CRISPLD2: variants seen among roughly 807,000 people sequenced by gnomAD.
CRISPLD2 encodes the protein cysteine-rich secretory protein LCCL domain-containing 2.
Under a neutral mutation model 71.1 loss-of-function variants are expected in CRISPLD2, and 47 were observed. That is an observed-to-expected ratio of 0.66 (90% CI 0.52 to 0.84). The LOEUF (loss-of-function observed/expected upper bound fraction) is 0.84, where lower values mean the gene tolerates loss of function less well. CRISPLD2 is among the 40% of genes least tolerant of loss of function. The pLI is 0.00. For synonymous variants in CRISPLD2, 317 were observed against 250.1 expected, an observed-to-expected ratio of 1.27 and a Z score of -2.52; for missense variants, 830 against 651.1, an observed-to-expected ratio of 1.27 and a Z score of -2.99.
intron 8 of CRISPLD2, among the ~76,000 whole-genome samples, chr16:84,871,718 A>G (rs2143285799): frequency 6.6e-6 from 1 of 152,016 alleles, no homozygotes; most frequent in East Asian, 1.9e-4. Flanking sequence ...CACGCGGCTA[A>G]TTTTTATATT....
At chr16:84,841,047 A>G (rs1916757349) in intron 2 of CRISPLD2, among the ~76,000 whole-genome samples, 1 of 152,226 alleles carries the variant, frequency 6.6e-6, no homozygotes, top group Admixed American at 6.5e-5. Context: ...GCCAGGAAGT[A>G]TTTGTGGAGC....
At position 84,841,447 on chromosome 16, in the gene CRISPLD2, A is replaced by C. The variant is rs189103297; in HGVS notation, c.240+2712A>C. 1.3e-3 allele frequency among the ~76,000 whole-genome samples: 202 copies of C among 152,278 alleles called. 2 individuals are homozygous for C. The highest frequency in any genetic ancestry group is 4.6e-3 in the African/African-American group (193 of 41,556). On this transcript the variant is annotated intron_variant, in intron 2 of 14. Coordinates refer to ENST00000262424, the MANE Select transcript of CRISPLD2 (RefSeq NM_031476.4). ...ATTGGAAGAGGTCAGAGAGGCAGGC[A>C]GGGGCAAATCACACAGGGCTTTGAG...
intron 1 of CRISPLD2, among the ~76,000 whole-genome samples, chr16:84,834,208 C>T (rs571887038): frequency 6.6e-6 from 1 of 152,332 alleles, no homozygotes; most frequent in South Asian, 2.1e-4. Flanking sequence ...AGGTCAGGCG[C>T]TCACACCACG....
chr16:84,898,541 C>A (rs1874627), intron 14 of CRISPLD2, among the ~76,000 whole-genome samples: 61,687 of 152,044 alleles, frequency 0.41, 13,333 homozygotes, highest in East Asian at 0.64. Context: ...CCTCCCTAGG[C>A]AGCGTTCTCC....
At chr16:84,888,657 C>T (rs554768594) in intron 13 of CRISPLD2, among the ~76,000 whole-genome samples, 67 of 152,334 alleles carry the variant, frequency 4.4e-4, no homozygotes, top group African/African-American at 1.4e-3. Flanking sequence ...TTCCAGCCAC[C>T]CTGGCTGTCT....
Position 84,882,910 on chromosome 16 carries a change from C to T in CRISPLD2, c.1305+2326C>T, listed in dbSNP as rs112411786. Among the ~76,000 whole-genome samples the T allele has an allele frequency of 1.2e-3, 177 of 152,296 alleles. 1 individual carries two copies. The highest frequency in any genetic ancestry group is 4.1e-3 in the African/African-American group (172 of 41,564). ...GACTCTGCTCTTTCCCTGGTGTATG[C>T]TGCCTTGCTTGATGTTACCTGCATT... On this transcript the variant is annotated intron_variant, in intron 13 of 14. Transcript: ENST00000262424.
At chr16:84,869,278 C>CT (rs1309879289) in intron 8 of CRISPLD2, among the ~76,000 whole-genome samples, 2 of 152,190 alleles carry the variant, frequency 1.3e-5, no homozygotes, top group African/African-American at 4.8e-5. Flanking sequence ...AGTGTGACTG[C>CT]TGGGCTGTTC....
At chr16:84,838,319 G>T (rs923678261) in intron 1 of CRISPLD2, 103 bp from the exon 2 acceptor site, 42 of 736,222 alleles carry the variant, frequency 5.7e-5, no homozygotes, top group Admixed American at 1.0e-4. Flanking sequence ...TTCCGCATCT[G>T]TAAAATGGAG....
intron 8 of CRISPLD2, among the ~76,000 whole-genome samples, chr16:84,869,528 T>G (rs1368500661): frequency 6.6e-6 from 1 of 152,226 alleles, no homozygotes; most frequent in Non-Finnish European, 1.5e-5. Context: ...CACTTAGACG[T>G]TGGCAGGACT....
chr16:84,877,974 G>C (rs1034089269), intron 12 of CRISPLD2, among the ~76,000 whole-genome samples: 9 of 151,662 alleles, frequency 5.9e-5, no homozygotes, highest in African/African-American at 2.2e-4. Context: ...ACTTTGGGAG[G>C]CCGAGGCAGG....
At chr16:84,830,228 G>A (rs537839943) in intron 1 of CRISPLD2, among the ~76,000 whole-genome samples, 52 of 152,290 alleles carry the variant, frequency 3.4e-4, no homozygotes, top group Non-Finnish European at 5.3e-4. Context: ...AGGCTGAGGT[G>A]GGAGGATCAT....
intron 1 of CRISPLD2, among the ~76,000 whole-genome samples, chr16:84,837,697 G>T (rs535648546): frequency 1.3e-5 from 2 of 152,204 alleles, no homozygotes; most frequent in Non-Finnish European, 2.9e-5. Context: ...GATTACAGGC[G>T]TGAGCCACCG....
At chr16:84,840,724 T>A (rs1388888469) in intron 2 of CRISPLD2, among the ~76,000 whole-genome samples, 2 of 152,102 alleles carry the variant, frequency 1.3e-5, no homozygotes, top group Non-Finnish European at 2.9e-5. Context: ...GTATTTTTAT[T>A]AGAGACGGGA....
At chr16:84,838,902 G>C (rs552282916) in intron 2 of CRISPLD2, 167 bp downstream of exon 2, 10 of 939,780 alleles carry the variant, frequency 1.1e-5, no homozygotes, top group African/African-American at 9.7e-5. Context: ...TTGTTTGTTT[G>C]TTTTGAGACA....
At chr16:84,869,481 G>A (rs1219187893) in intron 8 of CRISPLD2, among the ~76,000 whole-genome samples, 4 of 152,294 alleles carry the variant, frequency 2.6e-5, no homozygotes, top group East Asian at 1.9e-4. Flanking sequence ...GTTTTATATC[G>A]CAAGGGTTTG....
At chr16:84,856,330 G>A (rs6564083) in intron 6 of CRISPLD2, among the ~76,000 whole-genome samples, 36,884 of 152,102 alleles carry the variant, frequency 0.24, 4,744 homozygotes, top group East Asian at 0.52. Flanking sequence ...TCATCTTGAT[G>A]ATCCATGTCA....
chr16:84,882,613 C>A (rs2071578621), intron 13 of CRISPLD2, among the ~76,000 whole-genome samples: 1 of 152,192 alleles, frequency 6.6e-6, no homozygotes, highest in Non-Finnish European at 1.5e-5. Flanking sequence ...CCATGTTGGC[C>A]AGGCTGGTCT....
At chr16:84,891,778 T>G (rs2071664930) in intron 14 of CRISPLD2, among the ~76,000 whole-genome samples, 1 of 151,844 alleles carries the variant, frequency 6.6e-6, no homozygotes, top group African/African-American at 2.4e-5. Flanking sequence ...AGGGCAGGGA[T>G]GGAGAGAAGG....
chr16:84,889,338 C>T lies in CRISPLD2; in HGVS notation c.1414C>T (p.Leu472Phe), dbSNP rs1433275597. The T allele has an allele frequency of 6.2e-7, 1 of 1,613,794 alleles. No individual in the cohort carries two copies. Among genetic ancestry groups the T allele is most frequent in the Non-Finnish European group, 8.5e-7 (1 of 1,179,776 alleles). The change falls in exon 14 of 15, where the codon CTC becomes TTC. Residue 472 changes from leucine (L) to phenylalanine (F), a missense_variant. Coordinates refer to ENST00000262424, the MANE Select transcript of CRISPLD2 (RefSeq NM_031476.4). ...VDKKKTYVGS[L>F]RNGVQSESLG... ...TAAAAAGAAGACCTACGTGGGCTCGCTCAGGAATGGAGTTCAGTCTGAAAG... is the reference window on the plus strand; with the variant it reads ...TAAAAAGAAGACCTACGTGGGCTCGTTCAGGAATGGAGTTCAGTCTGAAAG...
Sources: gnomAD v4.1 joint callset for allele counts (sites outside exome capture counted in the v4.1 genomes callset) on GRCh38, gnomAD v4.1.1 for gene constraint, MANE v1.5 for transcripts, NCBI Gene and HGNC (gene_info 2026-07-23, HGNC 2026-07-21) for gene names.